Variants in SNX9 observed in about 807,000 individuals in gnomAD.
The protein encoded by SNX9 is sorting nexin 9.
Under a neutral mutation model 89.4 loss-of-function variants are expected in SNX9, and 44 were observed. The ratio of observed to expected loss-of-function variants is 0.49; its 90% CI spans 0.39 to 0.63. SNX9 has a LOEUF of 0.63. Ranked by LOEUF, SNX9 falls within the 30% of genes least tolerant of loss-of-function variation. The pLI, the probability that SNX9 is intolerant of heterozygous loss-of-function variation, is 0.00. For synonymous variants in SNX9, 236 were observed against 247.8 expected (o/e 0.95, Z 0.45); for missense variants, 578 against 736.1 (o/e 0.79, Z 2.49).
chr6:157,848,800 G>A (rs143839572), intron 1 of SNX9, among the ~76,000 whole-genome samples: 59 of 152,334 alleles, frequency 3.9e-4, no homozygotes, highest in African/African-American at 1.4e-3. Context: ...GAAGGGTAGT[G>A]TTATAAGGCC....
At chr6:157,856,035 C>T (rs1782003221) in intron 1 of SNX9, among the ~76,000 whole-genome samples, 1 of 152,242 alleles carries the variant, frequency 6.6e-6, no homozygotes, top group Non-Finnish European at 1.5e-5. Flanking sequence ...AGGCGTGAGC[C>T]ACCACGCCCG....
In SNX9 at chr6:157,943,322, C is replaced by T. The variant is rs1272402417; in HGVS notation, c.*484C>T. On this transcript the variant is annotated 3_prime_UTR_variant, in exon 18 of 18. Transcript: ENST00000392185. ...TATATTTTTATAACTCCTTTCAGTC[C>T]TCTGGGGCTCCTGTCATTGAGGGAA... 6.6e-6 allele frequency: 1 copy of T among 152,364 alleles called. No individual in the cohort carries two copies. The highest frequency in any genetic ancestry group is 2.4e-5 in the African/African-American group (1 of 41,424). 9.4% of individuals were successfully genotyped at this position (152,364 alleles called of 1,614,324 possible). A position where few individuals can be genotyped will look rare whatever the true frequency, so the allele number is the denominator to read the frequency against.
At chr6:157,910,163 C>T in intron 9 of SNX9, 138 bp downstream of exon 9, 2 of 696,324 alleles carry the variant, frequency 2.9e-6, no homozygotes, top group South Asian at 1.7e-5. Context: ...TTAAATACAG[C>T]TATGAAGAGA....
Position 157,826,886 on chromosome 6 carries a change from A to AATATATATTATAGTTTATATAATATATAC in SNX9, c.12+3468_12+3469insCATATATATTATAGTTTATATAATATATA, listed in dbSNP as rs1262699292. Among the ~76,000 whole-genome samples, 138 of 101,614 alleles carry AATATATATTATAGTTTATATAATATATAC rather than the reference A, an allele frequency of 1.4e-3. 14 individuals are homozygous for AATATATATTATAGTTTATATAATATATAC. Among genetic ancestry groups the AATATATATTATAGTTTATATAATATATAC allele is most frequent in the Non-Finnish European group, 2.2e-3 (122 of 55,782 alleles). 66.7% of individuals were successfully genotyped at this position (101,614 alleles called of 152,430 possible). Reference sequence around the variant, plus strand: ...TATATTATAGTTTATATAATATATAAATATATATTATAGTTTATATAATAT... The same window carrying AATATATATTATAGTTTATATAATATATAC: ...TATATTATAGTTTATATAATATATAAATATATATTATAGTTTATATAATATATACATATATATTATAGTTTATATAATAT... On this transcript the variant is annotated intron_variant, in intron 1 of 17. Coordinates refer to ENST00000392185, the MANE Select transcript of SNX9 (RefSeq NM_016224.5).
chr6:157,845,224 T>A (rs1476291589), intron 1 of SNX9, among the ~76,000 whole-genome samples: 1 of 151,302 alleles, frequency 6.6e-6, no homozygotes, highest in Non-Finnish European at 1.5e-5. Context: ...TTCTCCTGCC[T>A]CAGCTTTCCG....
intron 4 of SNX9, among the ~76,000 whole-genome samples, chr6:157,891,370 T>C (rs2115158350): frequency 6.6e-6 from 1 of 152,216 alleles, no homozygotes; most frequent in South Asian, 2.1e-4. Context: ...AAATCACTTA[T>C]TCTGTGATCG....
In SNX9 at chr6:157,823,349, C is replaced by T; in HGVS notation, c.-86C>T. ...GGCCCAGCCGGAGCCGCCGCCCTCG[C>T]CCTTGCCTTTGCCTGCGCGGCTCAG... On this transcript the variant is annotated 5_prime_UTR_variant, in exon 1 of 18. Coordinates refer to ENST00000392185, the MANE Select transcript of SNX9 (RefSeq NM_016224.5). The surrounding 1 kb of genome is among the most constrained non-coding windows in gnomAD (Gnocchi z 4.6). 1.7e-6 allele frequency: 2 copies of T among 1,211,886 alleles called. No individual in the cohort carries two copies. Among genetic ancestry groups the T allele is most frequent in the Non-Finnish European group, 1.0e-6 (1 of 957,172 alleles). 75.1% of individuals were successfully genotyped at this position (1,211,886 alleles called of 1,614,324 possible).
At chr6:157,875,564 G>T (rs1484234423) in intron 4 of SNX9, among the ~76,000 whole-genome samples, 1 of 152,066 alleles carries the variant, frequency 6.6e-6, no homozygotes, top group South Asian at 2.1e-4. Flanking sequence ...AGATGCCCTG[G>T]CCCTGGCATG....
intron 4 of SNX9, among the ~76,000 whole-genome samples, chr6:157,881,361 C>A (rs1376952909): frequency 1.3e-5 from 2 of 152,102 alleles, no homozygotes; most frequent in Admixed American, 1.3e-4. Context: ...CGTCTTTCTC[C>A]CTCTCCTTGG....
At chr6:157,888,511 A>C (rs2115154854) in intron 4 of SNX9, among the ~76,000 whole-genome samples, 1 of 152,298 alleles carries the variant, frequency 6.6e-6, no homozygotes, top group South Asian at 2.1e-4. Flanking sequence ...TGCTGGTTTT[A>C]GTTAAAAACT....
chr6:157,834,283 T>C (rs1455743474), intron 1 of SNX9, among the ~76,000 whole-genome samples: 1 of 145,366 alleles, frequency 6.9e-6, no homozygotes, highest in Admixed American at 7.1e-5. Context: ...TCCTCTCACC[T>C]CAACATCCTG....
At chr6:157,896,523 C>T (rs1307027074) in intron 4 of SNX9, among the ~76,000 whole-genome samples, 2 of 152,162 alleles carry the variant, frequency 1.3e-5, no homozygotes, top group Admixed American at 1.3e-4. Context: ...GTAGTGGTTA[C>T]TTCTGGAGAG....
intron 4 of SNX9, among the ~76,000 whole-genome samples, chr6:157,882,228 A>G (rs1331693718): frequency 1.3e-5 from 2 of 152,228 alleles, no homozygotes; most frequent in Non-Finnish European, 2.9e-5. Flanking sequence ...AGCCTGGATG[A>G]CAGCACATCT....
At chr6:157,861,956 A>G (rs771691118) in intron 1 of SNX9, among the ~76,000 whole-genome samples, 1 of 152,210 alleles carries the variant, frequency 6.6e-6, no homozygotes, top group Non-Finnish European at 1.5e-5. Context: ...CGGCTACTAC[A>G]TGACAGTCAG....
At chr6:157,856,772 A>G (rs952933473) in intron 1 of SNX9, among the ~76,000 whole-genome samples, 1 of 151,164 alleles carries the variant, frequency 6.6e-6, no homozygotes, top group African/African-American at 2.4e-5. Flanking sequence ...ATTCTTTTGT[A>G]TTTCTTGTTA....
At chr6:157,862,753 T>C (rs767664663) in intron 1 of SNX9, among the ~76,000 whole-genome samples, 2 of 152,212 alleles carry the variant, frequency 1.3e-5, no homozygotes, top group Non-Finnish European at 2.9e-5. Context: ...TCTAGTTTTT[T>C]GGTTTTCATT....
At chr6:157,885,480 C>A (rs1390542414) in intron 4 of SNX9, 1 of 152,160 alleles carries the variant, frequency 6.6e-6, no homozygotes, top group Non-Finnish European at 1.5e-5. Context: ...AATATTATAA[C>A]CTCTTCAGTC....
chr6:157,941,166 TA>T, intron 17 of SNX9, among the ~76,000 whole-genome samples, 192 bp downstream of exon 17: 1 of 152,332 alleles, frequency 6.6e-6, no homozygotes, highest in Non-Finnish European at 1.5e-5. Flanking sequence ...AACACTGGGT[TA>T]AAAAAGATTT....
rs141146899 is a variant in SNX9 at position 157,932,225 on chromosome 6, A to G, written c.1319A>G (p.Lys440Arg). 26 of 1,614,094 alleles carry G rather than the reference A, an allele frequency of 1.6e-5. No individual in the cohort carries two copies. Among genetic ancestry groups the G allele is most frequent in the South Asian group, 1.2e-4 (11 of 91,082 alleles). Residue 440 changes from lysine to arginine, a missense_variant, in exon 13 of 18, where the codon AAG (lysine) becomes AGG (arginine). Physicochemically the swap from Lys to Arg is conservative, Grantham distance 26. This residue lies in a region of SNX9 where 348 missense variants were observed against 491.4 expected (regional missense o/e 0.71). Coordinates refer to ENST00000392185, the MANE Select transcript of SNX9 (RefSeq NM_016224.5). The stretch of plus-strand genomic sequence containing the variant: ...CCCAAGGAATATCAGAAGATAGGAA[A>G]GGCCTTGCAGAGTTTGGCCACAGTG... ...PLPKEYQKIG[K>R]ALQSLATVFS...
Sources: allele counts gnomAD v4.1 joint callset (sites outside exome capture counted in the v4.1 genomes callset), GRCh38; gene constraint gnomAD v4.1.1; regional missense constraint gnomAD v4.1.1; non-coding constraint Gnocchi (gnomAD v3.1); transcripts MANE v1.5; gene names NCBI Gene and HGNC (gene_info 2026-07-23, HGNC 2026-07-21).